Variants in GOLT1B observed in about 807,000 individuals in gnomAD.
GOLT1B encodes the protein golgi transport 1B, also known as vesicle transport protein GOT1B.
A neutral mutation model predicts 15.4 loss-of-function variants in GOLT1B; 3 were observed. That is an observed-to-expected ratio of 0.19 (90% CI 0.09 to 0.50). The LOEUF is 0.50. Ranked by LOEUF, GOLT1B falls within the 20% of genes least tolerant of loss-of-function variation. GOLT1B has a pLI of 0.97. For synonymous variants in GOLT1B, 65 were observed against 56.2 expected (o/e 1.16, Z -0.70); for missense variants, 145 against 160.4 (o/e 0.90, Z 0.52).
intron 4 of GOLT1B, 36 bp downstream of exon 4, chr12:21,512,412 C>T (rs754479602): frequency 1.4e-5 from 13 of 948,496 alleles, no homozygotes; most frequent in Middle Eastern, 2.1e-4. Flanking sequence ...CAACAAAATA[C>T]GTATTTTGAT....
chr12:21,508,495 T>A lies in GOLT1B; in HGVS notation c.230T>A (p.Val77Glu). ...GGTTTTTTTCTGGGTGGTGTATTTG[T>A]AGTCCTTATTGGTTGGCCTTTGATA... Reference protein sequence around the residue: ...ATGFFLGGVFVVLIGWPLIGM... With the variant: ...ATGFFLGGVFEVLIGWPLIGM... The change falls in exon 3 of 5, where the codon GTA becomes GAA. Residue 77 changes from valine (V) to glutamate (E), a missense_variant. Val to Glu is a moderately radical substitution (Grantham distance 121). Coordinates refer to ENST00000229314, the MANE Select transcript of GOLT1B (RefSeq NM_016072.5). 6.3e-7 allele frequency: 1 copy of A among 1,589,406 alleles called. No homozygotes were observed.
At chr12:21,504,452 A>G (rs2136802399) in intron 1 of GOLT1B, 1 of 439,176 alleles carries the variant, frequency 2.3e-6, no homozygotes, top group South Asian at 1.6e-5. Flanking sequence ...TGTGGCAAAG[A>G]TGTTTTGGGC....
In GOLT1B at chr12:21,501,833, C is replaced by T. The variant is rs1452646310; in HGVS notation, c.-91C>T. 17 of 895,530 alleles carry T rather than the reference C, an allele frequency of 1.9e-5. No homozygotes were observed. Among genetic ancestry groups the T allele is most frequent in the Non-Finnish European group, 2.8e-5 (15 of 540,520 alleles). The allele number at this position is 895,530 out of a possible 1,614,324, so 55.5% of individuals were successfully genotyped here. A position where few individuals can be genotyped will look rare whatever the true frequency, so the allele number is the denominator to read the frequency against. ...TTCCGGAAGACGTGGCGGCTCTCGC[C>T]TGGGCTGTTTCCCGGCTTCATTTCT... On this transcript the variant is annotated 5_prime_UTR_variant, in exon 1 of 5. Transcript: ENST00000229314.
At position 21,517,238 on chromosome 12, in the gene GOLT1B, G is replaced by A. The variant is rs1943762638; in HGVS notation, c.*1531G>A. 1 of 152,396 alleles carries A rather than the reference G, an allele frequency of 6.6e-6. No homozygotes were observed. The highest frequency in any genetic ancestry group is 2.4e-5 in the African/African-American group (1 of 41,434). The allele number at this position is 152,396 out of a possible 1,614,324, so 9.4% of individuals were successfully genotyped here. On this transcript the variant is annotated 3_prime_UTR_variant, in exon 5 of 5. Transcript: ENST00000229314. ...GCTCATCTAAATAAGGAAAGACTTG[G>A]TGTATAGTGTGATGGTTTAGTCTTA...
intron 4 of GOLT1B, among the ~76,000 whole-genome samples, chr12:21,513,331 AC>A (rs1943733612): frequency 6.6e-6 from 1 of 152,112 alleles, no homozygotes; most frequent in African/African-American, 2.4e-5. Context: ...CTAAACTGCT[AC>A]CTTGAAGGTT....
chr12:21,510,851 T>A (rs916122480), intron 3 of GOLT1B, among the ~76,000 whole-genome samples: 1 of 152,234 alleles, frequency 6.6e-6, no homozygotes, highest in Non-Finnish European at 1.5e-5. Context: ...TTCTGAATTG[T>A]ATTCATTGTA....
At chr12:21,514,153 A>G (rs1943740041) in intron 4 of GOLT1B, among the ~76,000 whole-genome samples, 1 of 152,226 alleles carries the variant, frequency 6.6e-6, no homozygotes, top group African/African-American at 2.4e-5. Flanking sequence ...TCAGACCCAT[A>G]TCAGAAGTAT....
rs1239408086 is a variant in GOLT1B, at chr12:21,512,443, T to G, written c.378+67T>G. 15 of 796,906 alleles carry G rather than the reference T, an allele frequency of 1.9e-5. No homozygotes were observed. In the Admixed American group the frequency reaches 2.4e-4, roughly 13 times the overall value. 49.4% of individuals were successfully genotyped at this position (796,906 alleles called of 1,614,324 possible). ...TTGATGCTTTTTACTTCTAGAAATT[T>G]GAGTAATTGATACTTGGTTAATTGC... is the stretch of plus-strand genomic sequence containing the variant. On this transcript the variant is annotated intron_variant, in intron 4 of 4. Transcript: ENST00000229314.
Position 21,512,127 on chromosome 12 carries a change from T to G in GOLT1B, c.297-168T>G, listed in dbSNP as rs140026680. ...GCTAGGCCTCATGTACTTGTCACAT[T>G]TTTACCAACAATCACAAAATTTTTA... On this transcript the variant is annotated intron_variant, in intron 3 of 4. Coordinates refer to ENST00000229314, the MANE Select transcript of GOLT1B (RefSeq NM_016072.5). Among the ~76,000 whole-genome samples, 85 of 152,310 alleles carry G rather than the reference T, an allele frequency of 5.6e-4. No individual in the cohort carries two copies. In the East Asian group the frequency reaches 0.012, roughly 22 times the overall value.
chr12:21,502,028 A>G (rs1387980499), intron 1 of GOLT1B, 80 bp downstream of exon 1: 2 of 998,384 alleles, frequency 2.0e-6, no homozygotes, highest in Admixed American at 1.8e-5. Context: ...CGCCGGGGTC[A>G]ATGAATGAAG....
intron 3 of GOLT1B, among the ~76,000 whole-genome samples, chr12:21,510,654 T>G (rs1943712952): frequency 6.6e-6 from 1 of 152,200 alleles, no homozygotes; most frequent in Non-Finnish European, 1.5e-5. Context: ...TTTTATGTTT[T>G]AAAACAATAC....
chr12:21,506,860 C>T (rs1285860315), intron 1 of GOLT1B, 25 bp from the exon 2 acceptor site: 1 of 996,068 alleles, frequency 1.0e-6, no homozygotes, highest in Non-Finnish European at 1.6e-6. Flanking sequence ...TTTCTCTACC[C>T]TTAACCATAT....
intron 4 of GOLT1B, 55 bp downstream of exon 4, chr12:21,512,431 C>G: frequency 1.2e-6 from 1 of 852,430 alleles, no homozygotes; most frequent in Non-Finnish European, 2.0e-6. Flanking sequence ...ATGCTTTTTA[C>G]TTCTAGAAAT....
At chr12:21,510,498 G>A (rs756774054) in intron 3 of GOLT1B, among the ~76,000 whole-genome samples, 1 of 152,196 alleles carries the variant, frequency 6.6e-6, no homozygotes, top group Non-Finnish European at 1.5e-5. Context: ...GTGGTTTAGA[G>A]AGCTTTGTGG....
rs770714175 is a variant in GOLT1B, at chr12:21,515,753, A to C, written c.*46A>C. Reference sequence around the variant, plus strand: ...TCATTTAAAATATTGTGTTATTTATAAAGTCATTTGAAGAATATTCAGCAC... The same window carrying C: ...TCATTTAAAATATTGTGTTATTTATCAAGTCATTTGAAGAATATTCAGCAC... On this transcript the variant is annotated 3_prime_UTR_variant, in exon 5 of 5. Coordinates refer to ENST00000229314, the MANE Select transcript of GOLT1B (RefSeq NM_016072.5). 1.2e-6 allele frequency: 1 copy of C among 859,350 alleles called. No individual in the cohort carries two copies. Among genetic ancestry groups the C allele is most frequent in the Admixed American group, 2.1e-5 (1 of 48,112 alleles). 53.2% of individuals were successfully genotyped at this position (859,350 alleles called of 1,614,324 possible). A position where few individuals can be genotyped will look rare whatever the true frequency, so the allele number is the denominator to read the frequency against.
rs1179918400 is a variant in GOLT1B, at chr12:21,517,674, C to T, written c.*1967C>T. ...ATCTTAATTCAAAAGCATTATTAGA[C>T]TTGAAAGGGTTTGATAATCTCCCAG... On this transcript the variant is annotated 3_prime_UTR_variant, in exon 5 of 5. Transcript: ENST00000229314. 2 of 152,034 alleles carry T rather than the reference C, an allele frequency of 1.3e-5. No homozygotes were observed. The highest frequency in any genetic ancestry group is 4.8e-5 in the African/African-American group (2 of 41,418). 9.4% of individuals were successfully genotyped at this position (152,034 alleles called of 1,614,324 possible).
Sources: allele counts gnomAD v4.1 joint callset (sites outside exome capture counted in the v4.1 genomes callset), GRCh38; gene constraint gnomAD v4.1.1; transcripts MANE v1.5; gene names NCBI Gene and HGNC (gene_info 2026-07-23, HGNC 2026-07-21).